TYR: variants seen among roughly 807,000 people sequenced by gnomAD.
TYR encodes LB24-AB.
TYR carries 58 observed loss-of-function variants against 51.5 expected under a neutral mutation model. That is an observed-to-expected ratio of 1.13 (90% CI 0.91 to 1.40). TYR has a LOEUF of 1.40. Among genes scored for constraint, TYR ranks in the 40% most tolerant of loss-of-function variants. The pLI is 0.00. For synonymous variants in TYR, 263 were observed against 235.2 expected (o/e 1.12, Z -1.08); for missense variants, 732 against 647.4 (o/e 1.13, Z -1.42).
intron 2 of TYR, among the ~76,000 whole-genome samples, chr11:89,201,130 T>C (rs573873905): frequency 6.6e-6 from 1 of 152,318 alleles, no homozygotes; most frequent in Non-Finnish European, 1.5e-5. Context: ...AGAAATATCT[T>C]TAAGTATGAA....
intron 3 of TYR, among the ~76,000 whole-genome samples, chr11:89,250,747 G>T (rs181050340): frequency 5.5e-4 from 84 of 151,882 alleles, no homozygotes; most frequent in African/African-American, 1.7e-3. Flanking sequence ...TTGCATTAGG[G>T]TTCACCCTAA....
At chr11:89,262,520 C>G (rs760314703) in intron 3 of TYR, among the ~76,000 whole-genome samples, 2 of 145,734 alleles carry the variant, frequency 1.4e-5, no homozygotes, top group Non-Finnish European at 3.0e-5. Context: ...ATAGAGAATA[C>G]GAACACAGTA....
At chr11:89,194,922 C>G (rs1485103784) in intron 2 of TYR, among the ~76,000 whole-genome samples, 2 of 152,120 alleles carry the variant, frequency 1.3e-5, no homozygotes, top group Non-Finnish European at 2.9e-5. Flanking sequence ...TGAAATTAGC[C>G]ATGACTCCAA....
chr11:89,264,612 C>T (rs964961915), intron 3 of TYR, among the ~76,000 whole-genome samples: 7 of 151,784 alleles, frequency 4.6e-5, no homozygotes, highest in African/African-American at 1.7e-4. Context: ...AAGAAACATG[C>T]ATGCATATGT....
At chr11:89,280,761 T>G (rs1363887159) in intron 3 of TYR, among the ~76,000 whole-genome samples, 1 of 151,662 alleles carries the variant, frequency 6.6e-6, no homozygotes, top group Non-Finnish European at 1.5e-5. Flanking sequence ...GCCATATGTT[T>G]TATTAGGTAA....
chr11:89,178,051 A>C lies in TYR; in HGVS notation c.98A>C (p.Lys33Thr), dbSNP rs1451372078. ...GTCTCCTCTAAGAACCTGATGGAGA[A>C]GGAATGCTGTCCACCGTGGAGCGGG... ...ACVSSKNLME[K>T]ECCPPWSGDR... is the part of the protein sequence containing the mutation. The change falls in exon 1 of 5, where the codon AAG (lysine) becomes ACG (threonine). Residue 33 changes from lysine (K) to threonine (T), a missense_variant. Lys to Thr is a moderately conservative substitution (Grantham distance 78). Transcript: ENST00000263321. 1 of 1,614,200 alleles carries C rather than the reference A, an allele frequency of 6.2e-7. No individual in the cohort carries two copies. The highest frequency in any genetic ancestry group is 8.5e-7 in the Non-Finnish European group (1 of 1,180,034).
intron 3 of TYR, among the ~76,000 whole-genome samples, chr11:89,247,852 T>C (rs916360349): frequency 6.6e-6 from 1 of 152,102 alleles, no homozygotes; most frequent in Non-Finnish European, 1.5e-5. Flanking sequence ...GTAGGATAGA[T>C]CTTTACCATA....
chr11:89,225,319 T>C (rs1228699464), intron 2 of TYR, among the ~76,000 whole-genome samples: 3 of 151,922 alleles, frequency 2.0e-5, no homozygotes, highest in African/African-American at 7.2e-5. Context: ...TTTTCAAGTA[T>C]ACCATACATT....
In TYR at chr11:89,284,824, AG is replaced by A. The variant is rs1565423615; in HGVS notation, c.1237del (p.Glu413LysfsTer72). The A allele has an allele frequency of 3.7e-6, 6 of 1,611,992 alleles. No homozygotes were observed. Among genetic ancestry groups the A allele is most frequent in the Non-Finnish European group, 5.1e-6 (6 of 1,178,590 alleles). ...ACCGTCCTCTTCAAGAAGTTTATCCAGAAGCCAATGCACCCATTGGACATAA... is the reference window on the plus strand; with the variant it reads ...ACCGTCCTCTTCAAGAAGTTTATCCAAAGCCAATGCACCCATTGGACATAA... ...RHRPLQEVYP[E>X]ANAPIGHNRE... On this transcript the variant is annotated frameshift_variant, in exon 4 of 5. Coordinates refer to ENST00000263321, the MANE Select transcript of TYR (RefSeq NM_000372.5). LOFTEE classifies it high-confidence loss of function.
At chr11:89,221,846 T>C (rs1232760819) in intron 2 of TYR, among the ~76,000 whole-genome samples, 1 of 152,200 alleles carries the variant, frequency 6.6e-6, no homozygotes, top group East Asian at 1.9e-4. Context: ...TGCAATAAAT[T>C]AAATGTGCTC....
chr11:89,237,558 T>C (rs1168087420), intron 3 of TYR, among the ~76,000 whole-genome samples: 2 of 152,184 alleles, frequency 1.3e-5, no homozygotes, highest in Non-Finnish European at 2.9e-5. Flanking sequence ...ATATGTCTGT[T>C]TCTATGCCAG....
At chr11:89,187,802 C>T (rs1408609557) in intron 1 of TYR, among the ~76,000 whole-genome samples, 2 of 151,922 alleles carry the variant, frequency 1.3e-5, no homozygotes, top group African/African-American at 4.8e-5. Context: ...TTGTGTCAGG[C>T]ACCATACCAT....
At chr11:89,227,200 C>T (rs985660952) in intron 2 of TYR, among the ~76,000 whole-genome samples, 2 of 152,016 alleles carry the variant, frequency 1.3e-5, no homozygotes, top group African/African-American at 2.4e-5. Context: ...AATAATTGCT[C>T]TTATTAAAAT....
intron 2 of TYR, among the ~76,000 whole-genome samples, chr11:89,205,887 G>T (rs1943666167): frequency 6.6e-6 from 1 of 152,050 alleles, no homozygotes. Flanking sequence ...TCATCTAAAT[G>T]AACATAAGAT....
intron 3 of TYR, among the ~76,000 whole-genome samples, chr11:89,252,581 T>C (rs1944343635): frequency 6.6e-6 from 1 of 151,816 alleles, no homozygotes; most frequent in Non-Finnish European, 1.5e-5. Context: ...GTAAAATAAT[T>C]CCCTGAAAAA....
At chr11:89,251,785 C>T (rs1258756792) in intron 3 of TYR, among the ~76,000 whole-genome samples, 7 of 151,734 alleles carry the variant, frequency 4.6e-5, no homozygotes, top group African/African-American at 9.7e-5. Flanking sequence ...CTTTGGAGAA[C>T]GGAAATAACA....
intron 4 of TYR, among the ~76,000 whole-genome samples, chr11:89,287,360 TA>T (rs1944801431): frequency 6.6e-6 from 1 of 151,942 alleles, no homozygotes; most frequent in African/African-American, 2.4e-5. Context: ...TAAAACACTA[TA>T]AGTATTCTAT....
chr11:89,285,749 C>T (rs990671835), intron 4 of TYR, among the ~76,000 whole-genome samples: 1 of 151,718 alleles, frequency 6.6e-6, no homozygotes, highest in Admixed American at 6.6e-5. Flanking sequence ...ATTTAAGTGA[C>T]TTTCTCAAAA....
At chr11:89,192,381 T>C (rs1591143932) in intron 2 of TYR, among the ~76,000 whole-genome samples, 1 of 152,178 alleles carries the variant, frequency 6.6e-6, no homozygotes, top group Admixed American at 6.6e-5. Flanking sequence ...CACTGACTTG[T>C]GGCAAGGCAG....
Sources: allele counts gnomAD v4.1 joint callset (sites outside exome capture counted in the v4.1 genomes callset), GRCh38; gene constraint gnomAD v4.1.1; transcripts MANE v1.5; gene names NCBI Gene and HGNC (gene_info 2026-07-23, HGNC 2026-07-21).